Variants in VIL1 observed in about 807,000 individuals in gnomAD.
VIL1 encodes villin 1, also known as villin-1.
Under a neutral mutation model 104.0 loss-of-function variants are expected in VIL1, and 86 were observed. The observed-to-expected ratio is 0.83, with a 90% CI of 0.69 to 0.99. The LOEUF (loss-of-function observed/expected upper bound fraction) is 0.99, where lower values mean the gene tolerates loss of function less well. VIL1 is among the 50% of genes least tolerant of loss of function. VIL1 has a pLI of 0.00. For missense variants in VIL1, 944 were observed against 1,054.1 expected, an observed-to-expected ratio of 0.90 and a Z score of 1.45; for synonymous variants, 394 against 412.6, an observed-to-expected ratio of 0.95 and a Z score of 0.55.
intron 6 of VIL1, among the ~76,000 whole-genome samples, chr2:218,428,793 T>G (rs890190878): frequency 6.6e-6 from 1 of 152,198 alleles, no homozygotes; most frequent in Non-Finnish European, 1.5e-5. Context: ...TGCTTCAGCC[T>G]CCCGAGTAGC....
chr2:218,430,971 T>C (rs1377697613), intron 10 of VIL1, 93 bp downstream of exon 10: 7 of 1,492,654 alleles, frequency 4.7e-6, no homozygotes, highest in Non-Finnish European at 6.4e-6. Flanking sequence ...TTCCCTGACG[T>C]GCATCTTCAA....
At chr2:218,431,022 G>A (rs1418361610) in intron 10 of VIL1, 144 bp downstream of exon 10, 1 of 1,121,696 alleles carries the variant, frequency 8.9e-7, no homozygotes, top group African/African-American at 1.6e-5. Flanking sequence ...CCTAGCAGAT[G>A]GGGACGTGGA....
chr2:218,445,758 T>C (rs79358712), intron 19 of VIL1, among the ~76,000 whole-genome samples: 2,275 of 152,204 alleles, frequency 0.015, 33 homozygotes, highest in South Asian at 0.063. Context: ...GGCAGGGAGA[T>C]GATGTTTTAT....
At position 218,451,072 on chromosome 2, in the gene VIL1, A is replaced by T. The variant is rs1048967117; in HGVS notation, c.*1736A>T. ...TAGAATTTTCCAATAAAAAATATAT[A>T]TTTTTTCAGATGTTAATAAGACATA... On this transcript the variant is annotated 3_prime_UTR_variant, in exon 20 of 20. Coordinates refer to ENST00000248444, the MANE Select transcript of VIL1 (RefSeq NM_007127.3). The T allele has an allele frequency of 1.3e-5, 2 of 152,102 alleles. No homozygotes were observed. Among genetic ancestry groups the T allele is most frequent in the East Asian group, 3.8e-4 (2 of 5,200 alleles). The allele number at this position is 152,102 out of a possible 1,614,324, so 9.4% of individuals were successfully genotyped here. A position where few individuals can be genotyped will look rare whatever the true frequency, so the allele number is the denominator to read the frequency against.
chr2:218,432,425 C>T (rs898122857), intron 12 of VIL1: 50 of 739,160 alleles, frequency 6.8e-5, no homozygotes, highest in Non-Finnish European at 7.8e-5. Context: ...GTCACCTGCT[C>T]TGCCCATGGG....
chr2:218,437,387 G>C, intron 17 of VIL1, 75 bp downstream of exon 17: 17 of 1,533,512 alleles, frequency 1.1e-5, no homozygotes, highest in South Asian at 6.0e-5. Context: ...AGGCCATTCT[G>C]TCTCTTTGGG....
At chr2:218,420,310 T>A (rs1213052569) in intron 1 of VIL1, among the ~76,000 whole-genome samples, 1 of 150,038 alleles carries the variant, frequency 6.7e-6, no homozygotes, top group African/African-American at 2.5e-5. Flanking sequence ...ACGCCTATAG[T>A]CCCAGCTACT....
chr2:218,452,790 C>A lies in VIL1; in HGVS notation c.*3454C>A, dbSNP rs1689521619. 6.6e-6 allele frequency: 1 copy of A among 152,136 alleles called. No individual in the cohort carries two copies. Among genetic ancestry groups the A allele is most frequent in the African/African-American group, 2.4e-5 (1 of 41,432 alleles). The allele number at this position is 152,136 out of a possible 1,614,324, so 9.4% of individuals were successfully genotyped here. A position where few individuals can be genotyped will look rare whatever the true frequency, so the allele number is the denominator to read the frequency against. On this transcript the variant is annotated 3_prime_UTR_variant, in exon 20 of 20. Coordinates refer to ENST00000248444, the MANE Select transcript of VIL1 (RefSeq NM_007127.3). Reference sequence around the variant, plus strand: ...TTTAATTGCAGCCTGCACTTTAAATCTTTCCCAATAATTTTTAACAGTGCC... The same window carrying A: ...TTTAATTGCAGCCTGCACTTTAAATATTTCCCAATAATTTTTAACAGTGCC...
intron 12 of VIL1, chr2:218,432,531 G>A (rs1689116563): frequency 1.4e-6 from 1 of 705,118 alleles, no homozygotes; most frequent in Non-Finnish European, 2.5e-6. Context: ...GAAAGGAAAG[G>A]AGGAGGTTTG....
intron 15 of VIL1, 140 bp downstream of exon 15, chr2:218,435,574 A>C (rs1689175119): frequency 4.2e-6 from 5 of 1,197,434 alleles, no homozygotes; most frequent in Non-Finnish European, 5.7e-6. Flanking sequence ...CCAGGGCTAC[A>C]AGATGAATAA....
Position 218,420,295 on chromosome 2 carries a change from C to T in VIL1, c.-12+1127C>T, listed in dbSNP as rs1049509175. On this transcript the variant is annotated intron_variant, in intron 1 of 19. Transcript: ENST00000248444. ...AAATACATAATTAGCTGGGTGTGCT[C>T]GCGCACGCCTATAGTCCCAGCTACT... 4.0e-5 allele frequency among the ~76,000 whole-genome samples: 6 copies of T among 151,540 alleles called. No individual in the cohort carries two copies. In the South Asian group the frequency reaches 6.3e-4, roughly 16 times the overall value.
intron 19 of VIL1, among the ~76,000 whole-genome samples, chr2:218,443,370 G>T (rs137989511): frequency 6.6e-4 from 100 of 151,968 alleles, no homozygotes; most frequent in Admixed American, 1.2e-3. Context: ...TCTAATTTTA[G>T]TATTTTTAGT....
Position 218,419,423 on chromosome 2 carries a change from C to T in VIL1, c.-12+255C>T, listed in dbSNP as rs1688863314. 2.0e-5 allele frequency among the ~76,000 whole-genome samples: 3 copies of T among 152,174 alleles called. No homozygotes were observed. The South Asian group carries it at 6.2e-4, about 31-fold the overall frequency. On this transcript the variant is annotated intron_variant, in intron 1 of 19. Transcript: ENST00000248444. ...CCTACCTGTGGCTAGCCCCATCCCACTTTGGGTGTCACCATCCCAATTGCC... is the reference window on the plus strand; with the variant it reads ...CCTACCTGTGGCTAGCCCCATCCCATTTTGGGTGTCACCATCCCAATTGCC...
intron 19 of VIL1, among the ~76,000 whole-genome samples, chr2:218,446,984 G>A (rs1231677049): frequency 6.6e-6 from 1 of 152,018 alleles, no homozygotes; most frequent in Non-Finnish European, 1.5e-5. Context: ...GGCTGGTCTC[G>A]AACTCCTGAC....
At chr2:218,448,834 G>A (rs997272284) in intron 19 of VIL1, among the ~76,000 whole-genome samples, 7 of 151,826 alleles carry the variant, frequency 4.6e-5, no homozygotes, top group Non-Finnish European at 8.8e-5. Flanking sequence ...GTAAAATCCC[G>A]TCTCTACTAA....
chr2:218,426,589 G>T (rs768929582), intron 4 of VIL1, among the ~76,000 whole-genome samples: 1 of 150,338 alleles, frequency 6.7e-6, no homozygotes, highest in Admixed American at 6.6e-5. Flanking sequence ...CTACAGGCCC[G>T]AGCCACCATG....
chr2:218,441,488 G>A (rs890459766), intron 19 of VIL1, among the ~76,000 whole-genome samples: 2 of 152,170 alleles, frequency 1.3e-5, no homozygotes, highest in African/African-American at 4.8e-5. Context: ...AGTTAGTTCT[G>A]GAGAAGGGAC....
chr2:218,420,578 G>GTTTTTTTTTTTT (rs71064448), intron 1 of VIL1, among the ~76,000 whole-genome samples: 1 of 131,264 alleles, frequency 7.6e-6, no homozygotes, highest in Non-Finnish European at 1.7e-5. Flanking sequence ...ATGAGTATTT[G>GTTTTTTTTTTTT]TTTTTTTTTT....
At chr2:218,447,091 T>C (rs1457824716) in intron 19 of VIL1, among the ~76,000 whole-genome samples, 4 of 152,026 alleles carry the variant, frequency 2.6e-5, no homozygotes, top group East Asian at 1.9e-4. Flanking sequence ...AGCTGCATCA[T>C]GTGAAAATGA....
Sources: allele counts gnomAD v4.1 joint callset (sites outside exome capture counted in the v4.1 genomes callset), GRCh38; gene constraint gnomAD v4.1.1; transcripts MANE v1.5; gene names NCBI Gene and HGNC (gene_info 2026-07-23, HGNC 2026-07-21).